The following RBFOX1 variants were observed in gnomAD, a reference collection of about 807,000 sequenced individuals.
RBFOX1 encodes the protein RNA binding fox-1 homolog 1.
A neutral mutation model predicts 57.7 loss-of-function variants in RBFOX1; 8 were observed. The ratio of observed to expected loss-of-function variants is 0.14; its 90% CI spans 0.08 to 0.25. RBFOX1 has a LOEUF of 0.25. Among genes scored for constraint, RBFOX1 ranks in the 10% least tolerant of loss-of-function variants. The pLI is 1.00. For synonymous variants in RBFOX1, 326 were observed against 222.4 expected, an observed-to-expected ratio of 1.47 and a Z score of -4.15; for missense variants, 611 against 548.5, an observed-to-expected ratio of 1.11 and a Z score of -1.14.
chr16:6,925,813 G>A (rs756045352), intron 3 of RBFOX1, among the ~76,000 whole-genome samples: 11 of 151,930 alleles, frequency 7.2e-5, no homozygotes, highest in South Asian at 2.1e-4. Context: ...TAAGCCTGGC[G>A]AAATTACCTT....
chr16:6,079,285 A>G (rs13336582), intron 1 of RBFOX1, among the ~76,000 whole-genome samples: 106,075 of 151,678 alleles, frequency 0.7, 37,583 homozygotes, highest in Non-Finnish European at 0.77. Context: ...CAGCCTGGAC[A>G]ACAAAGCGAG....
Position 6,028,968 on chromosome 16 carries a change from C to T in RBFOX1, c.-127+8976C>T, listed in dbSNP as rs551526585. 4.6e-5 allele frequency among the ~76,000 whole-genome samples: 7 copies of T among 152,284 alleles called. No homozygotes were observed. The East Asian group carries it at 1.4e-3, about 29-fold the overall frequency. ...GTGTGAGCTTGGGCCAGTTACTGCA[C>T]CTCTCTGAGCCTCCATTTACTTGTC... On this transcript the variant is annotated intron_variant, in intron 1 of 15. Transcript: ENST00000550418.
rs143021931 is a variant in RBFOX1, at chr16:7,154,558, C to G, written c.27+102460C>G. Among the ~76,000 whole-genome samples the G allele has an allele frequency of 3.7e-3, 562 of 152,252 alleles. 3 individuals carry two copies. Among genetic ancestry groups the G allele is most frequent in the African/African-American group, 0.012 (519 of 41,538 alleles). On this transcript the variant is annotated intron_variant, in intron 4 of 15. Coordinates refer to ENST00000550418, the MANE Select transcript of RBFOX1 (RefSeq NM_018723.4). ...CCTTGAGTTGTTAGATAGTCTTCCT[C>G]TTGTTAAAACTATTTATATTTAAAC...
At chr16:6,693,657 T>C (rs561482469) in intron 3 of RBFOX1, among the ~76,000 whole-genome samples, 7 of 150,094 alleles carry the variant, frequency 4.7e-5, no homozygotes, top group Non-Finnish European at 1.0e-4. Context: ...ACAATCATCA[T>C]CATCATCCTC....
intron 1 of RBFOX1, among the ~76,000 whole-genome samples, chr16:5,344,258 G>A (rs2065093486): frequency 6.6e-6 from 1 of 152,160 alleles, no homozygotes; most frequent in African/African-American, 2.4e-5. Context: ...ATGTCCTGCA[G>A]CTCCCTCTCT....
intron 2 of RBFOX1, among the ~76,000 whole-genome samples, chr16:6,547,439 T>A (rs1346342931): frequency 6.6e-6 from 1 of 152,214 alleles, no homozygotes; most frequent in East Asian, 1.9e-4. Context: ...GATTGTCGAA[T>A]GGTGCCATCT....
chr16:7,681,683 T>A (rs983348103), intron 14 of RBFOX1, among the ~76,000 whole-genome samples: 1 of 152,172 alleles, frequency 6.6e-6, no homozygotes, highest in African/African-American at 2.4e-5. Context: ...GTTAATTTTT[T>A]AAGAAGATGT....
intron 4 of RBFOX1, among the ~76,000 whole-genome samples, chr16:5,885,253 G>A (rs11859671): frequency 1.5e-3 from 233 of 151,498 alleles, no homozygotes; most frequent in African/African-American, 5.4e-3. Context: ...CATTAAGGGA[G>A]GTGTCATATG....
At chr16:6,132,587 A>G (rs1374000706) in intron 1 of RBFOX1, among the ~76,000 whole-genome samples, 1 of 152,200 alleles carries the variant, frequency 6.6e-6, no homozygotes, top group Non-Finnish European at 1.5e-5. Flanking sequence ...AACATAGTCC[A>G]GGAGTACACG....
At chr16:5,485,954 A>T (rs1332097528) in intron 2 of RBFOX1, among the ~76,000 whole-genome samples, 1 of 152,190 alleles carries the variant, frequency 6.6e-6, no homozygotes, top group Admixed American at 6.5e-5. Context: ...TCATAAGATT[A>T]TTGTGAGAAT....
rs559957455 is a variant in RBFOX1 at position 7,475,343 on chromosome 16, C to G, written c.28-42804C>G. On this transcript the variant is annotated intron_variant, in intron 4 of 15. Transcript: ENST00000550418. Reference sequence around the variant, plus strand: ...TTTTTTTTTTCTTTCTAGATGGAGTCTCGCTCTGTCACCCAGGCTGGAGTG... The same window carrying G: ...TTTTTTTTTTCTTTCTAGATGGAGTGTCGCTCTGTCACCCAGGCTGGAGTG... Among the ~76,000 whole-genome samples the G allele has an allele frequency of 4.9e-5, 7 of 142,036 alleles. No individual in the cohort carries two copies. In the East Asian group the frequency reaches 1.5e-3, roughly 29 times the overall value. 93.2% of individuals were successfully genotyped at this position (142,036 alleles called of 152,430 possible).
chr16:7,037,360 G>T lies in RBFOX1; in HGVS notation c.-15-14697G>T, dbSNP rs374497906. Among the ~76,000 whole-genome samples, 4 of 146,170 alleles carry T rather than the reference G, an allele frequency of 2.7e-5. No homozygotes were observed. In the East Asian group the frequency reaches 6.4e-4, roughly 23 times the overall value. Reference sequence around the variant, plus strand: ...AGGTTCAAGAGCTTCTCCTGCCTCAGCCTCCCAAGTAGCTGGGATTATAGG... The same window carrying T: ...AGGTTCAAGAGCTTCTCCTGCCTCATCCTCCCAAGTAGCTGGGATTATAGG... On this transcript the variant is annotated intron_variant, in intron 3 of 15. Coordinates refer to ENST00000550418, the MANE Select transcript of RBFOX1 (RefSeq NM_018723.4).
chr16:7,322,443 G>C (rs1413097074), intron 4 of RBFOX1, among the ~76,000 whole-genome samples: 1 of 152,350 alleles, frequency 6.6e-6, no homozygotes, highest in East Asian at 1.9e-4. Flanking sequence ...GTTAATATGA[G>C]CCCGCCTTAA....
rs117020871 is a variant in RBFOX1 at position 6,033,557 on chromosome 16, A to C, written c.-127+13565A>C. Among the ~76,000 whole-genome samples the C allele has an allele frequency of 7.3e-3, 1,105 of 152,332 alleles. 6 individuals are homozygous for C. The highest frequency in any genetic ancestry group is 0.012 in the Non-Finnish European group (835 of 68,036). On this transcript the variant is annotated intron_variant, in intron 1 of 15. Transcript: ENST00000550418. ...ACTGTTTGCTCTTTTTAAAAAAATT[A>C]AGAATACCTTTTAAGGATTATTCCC... is the stretch of plus-strand genomic sequence containing the variant.
intron 3 of RBFOX1, among the ~76,000 whole-genome samples, chr16:6,821,226 T>C (rs1297615314): frequency 2.0e-5 from 3 of 152,204 alleles, no homozygotes; most frequent in African/African-American, 7.2e-5. Context: ...TCTACCCTTG[T>C]AGCTGTTTTA....
chr16:6,575,834 G>A (rs565408168), intron 2 of RBFOX1, among the ~76,000 whole-genome samples: 1 of 150,662 alleles, frequency 6.6e-6, no homozygotes, highest in South Asian at 2.1e-4. Flanking sequence ...TCTAGTCTGG[G>A]TGACAGAGTG....
At chr16:7,668,386 T>G (rs757925087) in intron 13 of RBFOX1, among the ~76,000 whole-genome samples, 1 of 152,258 alleles carries the variant, frequency 6.6e-6, no homozygotes, top group East Asian at 1.9e-4. Flanking sequence ...CACAGATATC[T>G]TGAAATTGCC....
At chr16:5,454,950 C>CTTTCTTTCTTT (rs1567535805) in intron 1 of RBFOX1, among the ~76,000 whole-genome samples, 8 of 42,678 alleles carry the variant, frequency 1.9e-4, no homozygotes, top group Admixed American at 9.0e-4. Context: ...TTCCTTCCTT[C>CTTTCTTTCTTT]CTTCCTTCCT....
rs1395819739 is a variant in RBFOX1, at chr16:6,637,332, A to AAT, written c.-63-17267_-63-17266dup. Among the ~76,000 whole-genome samples, 24 of 86,074 alleles carry AAT rather than the reference A, an allele frequency of 2.8e-4. 3 individuals are homozygous for AAT. The highest frequency in any genetic ancestry group is 1.4e-3 in the African/African-American group (24 of 16,640). 56.5% of individuals were successfully genotyped at this position (86,074 alleles called of 152,430 possible). Reference sequence around the variant, plus strand: ...ATATTATATATTATATATATTATATAATATACAAATATATATTATATATTA... The same window carrying AAT: ...ATATTATATATTATATATATTATATAATATATACAAATATATATTATATATTA... On this transcript the variant is annotated intron_variant, in intron 2 of 15. Coordinates refer to ENST00000550418, the MANE Select transcript of RBFOX1 (RefSeq NM_018723.4).
Sources: gnomAD v4.1 joint callset for allele counts (sites outside exome capture counted in the v4.1 genomes callset) on GRCh38, gnomAD v4.1.1 for gene constraint, MANE v1.5 for transcripts, NCBI Gene and HGNC (gene_info 2026-07-23, HGNC 2026-07-21) for gene names.